Variants in DCDC1 observed in about 807,000 individuals in gnomAD.
DCDC1 encodes doublecortin domain-containing protein 1.
Under a neutral mutation model 178.3 loss-of-function variants are expected in DCDC1, and 200 were observed. The ratio of observed to expected loss-of-function variants is 1.12; its 90% CI spans 1.00 to 1.26. The LOEUF (loss-of-function observed/expected upper bound fraction) is 1.26. Ranked by LOEUF, DCDC1 falls within the 50% of genes most tolerant of loss-of-function variation. DCDC1 has a pLI of 0.00. For synonymous variants in DCDC1, 690 were observed against 604.8 expected (o/e 1.14, Z -2.07); for missense variants, 1,983 against 1,749.2 (o/e 1.13, Z -2.38).
intron 1 of DCDC1, among the ~76,000 whole-genome samples, chr11:31,362,465 A>G (rs1951757937): frequency 6.6e-6 from 1 of 152,212 alleles, no homozygotes; most frequent in Non-Finnish European, 1.5e-5. Flanking sequence ...TCATATGAAA[A>G]TATACAATTA....
chr11:31,306,461 A>AT, intron 4 of DCDC1, 73 bp from the exon 5 acceptor site: 4 of 1,442,286 alleles, frequency 2.8e-6, no homozygotes, highest in Non-Finnish European at 2.7e-6. Flanking sequence ...ATTATCCTGG[A>AT]TTTTTTTAAA....
intron 17 of DCDC1, among the ~76,000 whole-genome samples, chr11:31,090,960 G>A (rs1474281995): frequency 2.6e-5 from 4 of 151,932 alleles, no homozygotes; most frequent in Non-Finnish European, 4.4e-5. Flanking sequence ...AAATAAGAAG[G>A]ACACTTACAG....
intron 34 of DCDC1, among the ~76,000 whole-genome samples, chr11:30,895,812 T>C (rs1320990732): frequency 6.6e-6 from 1 of 152,186 alleles, no homozygotes; most frequent in Admixed American, 6.5e-5. Context: ...ATACTAAATA[T>C]AGTTTTTACC....
intron 1 of DCDC1, among the ~76,000 whole-genome samples, chr11:31,346,625 A>G (rs2133262417): frequency 6.6e-6 from 1 of 152,302 alleles, no homozygotes; most frequent in Non-Finnish European, 1.5e-5. Flanking sequence ...TAAGGAAATG[A>G]TTTTATTAAG....
chr11:31,197,102 A>T (rs541082442), intron 9 of DCDC1, among the ~76,000 whole-genome samples: 6 of 152,162 alleles, frequency 3.9e-5, no homozygotes, highest in Admixed American at 2.6e-4. Flanking sequence ...ATATATATAT[A>T]TTTTTATGTC....
intron 9 of DCDC1, among the ~76,000 whole-genome samples, chr11:31,237,335 A>T (rs1976581866): frequency 1.3e-5 from 2 of 152,074 alleles, no homozygotes; most frequent in Admixed American, 6.5e-5. Flanking sequence ...ATCAAATAAT[A>T]TGCCCACAAA....
At chr11:30,948,519 G>GGAACCAAAAAAGAGCCCTCATAGCCAA (rs1382508141) in intron 21 of DCDC1, among the ~76,000 whole-genome samples, 4 of 152,038 alleles carry the variant, frequency 2.6e-5, no homozygotes, top group Non-Finnish European at 5.9e-5. Flanking sequence ...AATTTCATAT[G>GGAACCAAAAAAGAGCCCTCATAGCCAA]GAACCAAAAA....
At chr11:31,255,275 G>GT (rs1944335887) in intron 8 of DCDC1, among the ~76,000 whole-genome samples, 1 of 152,142 alleles carries the variant, frequency 6.6e-6, no homozygotes, top group South Asian at 2.1e-4. Context: ...ACATATACTT[G>GT]TTTGAGTACC....
At chr11:31,302,067 A>G (rs867395835) in intron 6 of DCDC1, among the ~76,000 whole-genome samples, 106 of 152,312 alleles carry the variant, frequency 7.0e-4, no homozygotes, top group African/African-American at 2.5e-3. Context: ...CCAGTAATAG[A>G]ATAGGATATA....
chr11:31,288,021 A>G (rs1158612403), intron 7 of DCDC1, among the ~76,000 whole-genome samples: 2 of 151,930 alleles, frequency 1.3e-5, no homozygotes, highest in East Asian at 3.9e-4. Context: ...CCAAATAAGT[A>G]AGATATAATT....
intron 20 of DCDC1, among the ~76,000 whole-genome samples, chr11:31,058,529 T>C (rs1292099277): frequency 2.6e-5 from 4 of 152,016 alleles, no homozygotes; most frequent in Non-Finnish European, 5.9e-5. Context: ...ATGTATGCCT[T>C]GTATCTCAGA....
chr11:30,949,628 G>A (rs577612130), intron 21 of DCDC1, among the ~76,000 whole-genome samples: 1 of 152,238 alleles, frequency 6.6e-6, no homozygotes, highest in South Asian at 2.1e-4. Context: ...ATGATAGACT[G>A]GATAAAGAAA....
At position 31,168,193 on chromosome 11, in the gene DCDC1, A is replaced by G. The variant is rs143043708; in HGVS notation, c.1222-30409T>C. On this transcript the variant is annotated intron_variant, in intron 9 of 38. Transcript: ENST00000684477. ...CACTCTCTACCCCCTCAATCTCTTT[A>G]AACTCCTTTGATTGTTATTTATTTA... 8.8e-3 allele frequency among the ~76,000 whole-genome samples: 1,333 copies of G among 152,244 alleles called. 6 individuals carry two copies. The highest frequency in any genetic ancestry group is 0.012 in the Non-Finnish European group (842 of 68,010).
chr11:30,897,497 G>A (rs1366330514), intron 34 of DCDC1, among the ~76,000 whole-genome samples: 3 of 150,338 alleles, frequency 2.0e-5, no homozygotes, highest in African/African-American at 7.4e-5. Flanking sequence ...ACAGGAGAAT[G>A]GCGTGAACCC....
intron 7 of DCDC1, among the ~76,000 whole-genome samples, chr11:31,286,309 G>T (rs1051025877): frequency 2.0e-5 from 3 of 152,012 alleles, no homozygotes; most frequent in African/African-American, 7.2e-5. Flanking sequence ...GTAAGTATAT[G>T]ACGCCTCCAG....
chr11:31,305,865 A>C (rs1948423271), intron 5 of DCDC1, 88 bp from the exon 6 acceptor site: 2 of 1,442,330 alleles, frequency 1.4e-6, no homozygotes, highest in Non-Finnish European at 1.9e-6. Context: ...AATGATCAAA[A>C]TAGAAACCCA....
chr11:31,282,799 C>A (rs568531677), intron 7 of DCDC1, among the ~76,000 whole-genome samples: 15 of 151,840 alleles, frequency 9.9e-5, no homozygotes, highest in Admixed American at 6.6e-4. Context: ...GCTTTTATTT[C>A]GAAGATTTTT....
intron 26 of DCDC1, among the ~76,000 whole-genome samples, chr11:30,916,417 T>C (rs1363239840): frequency 6.6e-6 from 1 of 152,198 alleles, no homozygotes; most frequent in Non-Finnish European, 1.5e-5. Flanking sequence ...CTAAAGATTA[T>C]GAAATAATAC....
At chr11:30,955,250 A>C (rs1346075238) in intron 20 of DCDC1, among the ~76,000 whole-genome samples, 1 of 151,930 alleles carries the variant, frequency 6.6e-6, no homozygotes, top group East Asian at 1.9e-4. Context: ...GTTTATTGTT[A>C]CTCCATCCAC....
Sources: allele counts gnomAD v4.1 joint callset (sites outside exome capture counted in the v4.1 genomes callset), GRCh38; gene constraint gnomAD v4.1.1; transcripts MANE v1.5; gene names NCBI Gene and HGNC (gene_info 2026-07-23, HGNC 2026-07-21).